CNBD1: variants seen among roughly 807,000 people sequenced by gnomAD.
The protein encoded by CNBD1 is cyclic nucleotide binding domain containing 1.
Under a neutral mutation model 54.4 loss-of-function variants are expected in CNBD1, and 71 were observed. The ratio of observed to expected loss-of-function variants is 1.30; its 90% CI spans 1.08 to 1.59. The LOEUF is 1.59. Among genes scored for constraint, CNBD1 ranks in the 40% most tolerant of loss-of-function variants. CNBD1 has a pLI of 0.00. For synonymous variants in CNBD1, 182 were observed against 170.7 expected (o/e 1.07, Z -0.51); for missense variants, 659 against 518.0 (o/e 1.27, Z -2.64).
At chr8:87,095,643 C>CAT (rs555327157) in intron 4 of CNBD1, among the ~76,000 whole-genome samples, 127 of 152,010 alleles carry the variant, frequency 8.4e-4, no homozygotes, top group Middle Eastern at 6.8e-3. Context: ...TCTGAATGAC[C>CAT]ATATATATAT....
chr8:87,205,994 C>A lies in CNBD1; in HGVS notation c.433C>A (p.Pro145Thr). Residue 145 changes from proline to threonine, a missense_variant and splice_region_variant, in exon 5 of 11, where the codon CCC (proline) becomes ACC (threonine). By Grantham distance (38) the Pro-to-Thr change is conservative (BLOSUM62 -1). Coordinates refer to ENST00000518476, the MANE Select transcript of CNBD1 (RefSeq NM_173538.3). ...TTTGTATTTTTTTTTTTTTTTGAGG[C>A]CCATTCACAGGACGCCATATGAACA... ...EEFLAILKKL[P>T]IHRTPYEHKT... 6.8e-7 allele frequency: 1 copy of A among 1,461,800 alleles called. No homozygotes were observed. Among genetic ancestry groups the A allele is most frequent in the Non-Finnish European group, 9.0e-7 (1 of 1,109,842 alleles). The allele number at this position is 1,461,800 out of a possible 1,614,324, so 90.6% of individuals were successfully genotyped here.
intron 10 of CNBD1, among the ~76,000 whole-genome samples, chr8:87,361,375 G>C (rs1209120650): frequency 6.6e-6 from 1 of 151,556 alleles, no homozygotes; most frequent in Admixed American, 6.6e-5. Context: ...ATCAGTAGAA[G>C]GAGATTAACA....
At chr8:86,991,610 G>C (rs1247589445) in intron 4 of CNBD1, among the ~76,000 whole-genome samples, 9 of 152,072 alleles carry the variant, frequency 5.9e-5, no homozygotes, top group Admixed American at 5.9e-4. Flanking sequence ...CATTAAGTTA[G>C]ATTGTTACTT....
At chr8:87,200,373 G>C (rs546012743) in intron 4 of CNBD1, among the ~76,000 whole-genome samples, 1 of 152,136 alleles carries the variant, frequency 6.6e-6, no homozygotes, top group African/African-American at 2.4e-5. Context: ...CTCATGCTGT[G>C]AAATGAATGC....
In CNBD1 at chr8:86,868,155, G is replaced by C. The variant is rs548080174; in HGVS notation, c.88+1572G>C. 4.6e-5 allele frequency among the ~76,000 whole-genome samples: 7 copies of C among 152,254 alleles called. No homozygotes were observed. In the South Asian group the frequency reaches 1.5e-3, roughly 32 times the overall value. ...AATGCTTTCAATTTATGAAATGACT[G>C]AACCTGAATTACAAAGGATATATAA... On this transcript the variant is annotated intron_variant, in intron 1 of 10. Coordinates refer to ENST00000518476, the MANE Select transcript of CNBD1 (RefSeq NM_173538.3).
At chr8:87,321,373 T>C (rs2130899788) in intron 8 of CNBD1, among the ~76,000 whole-genome samples, 1 of 152,332 alleles carries the variant, frequency 6.6e-6, no homozygotes, top group East Asian at 1.9e-4. Flanking sequence ...GCTTGTTTGT[T>C]TGATTGTGGC....
intron 4 of CNBD1, among the ~76,000 whole-genome samples, chr8:87,204,164 T>C (rs1387499336): frequency 6.6e-6 from 1 of 152,186 alleles, no homozygotes; most frequent in Non-Finnish European, 1.5e-5. Context: ...GAGCATAATA[T>C]TAGGTATTTC....
chr8:87,388,612 G>T (rs980090656), intron 2 of CNBD1, among the ~76,000 whole-genome samples: 6 of 152,088 alleles, frequency 3.9e-5, no homozygotes, highest in Non-Finnish European at 7.3e-5. Context: ...ACAATTAATA[G>T]CTTACCAACC....
chr8:87,423,636 A>G (rs531226843), intron 2 of CNBD1, among the ~76,000 whole-genome samples: 1,829 of 147,126 alleles, frequency 0.012, 38 homozygotes, highest in African/African-American at 0.046. Flanking sequence ...CCACTTGATC[A>G]TGGTGGATAA....
chr8:87,377,693 G>A (rs1810980290), intron 10 of CNBD1, among the ~76,000 whole-genome samples: 1 of 144,412 alleles, frequency 6.9e-6, no homozygotes, highest in South Asian at 2.3e-4. Flanking sequence ...GGGTCAAATG[G>A]TATTTCTAGT....
At chr8:87,304,037 G>A (rs1809082721) in intron 8 of CNBD1, among the ~76,000 whole-genome samples, 1 of 152,146 alleles carries the variant, frequency 6.6e-6, no homozygotes. Flanking sequence ...ACACATTGGT[G>A]GGACTGTAAA....
At chr8:87,305,357 C>T (rs1381093616) in intron 8 of CNBD1, among the ~76,000 whole-genome samples, 1 of 151,954 alleles carries the variant, frequency 6.6e-6, no homozygotes, top group Non-Finnish European at 1.5e-5. Context: ...AATCAATGCA[C>T]TTCCCATCAA....
intron 6 of CNBD1, among the ~76,000 whole-genome samples, chr8:87,251,930 T>C (rs999352080): frequency 4.6e-5 from 7 of 152,230 alleles, no homozygotes; most frequent in Admixed American, 1.3e-4. Context: ...TCTGAGATGA[T>C]GCTTATAGGT....
chr8:87,206,007 C>T lies in CNBD1; in HGVS notation c.446C>T (p.Thr149Met), dbSNP rs371075963. 75 of 1,526,824 alleles carry T rather than the reference C, an allele frequency of 4.9e-5. No homozygotes were observed. The African/African-American group carries it at 6.6e-4, about 13-fold the overall frequency. The allele number at this position is 1,526,824 out of a possible 1,614,324, so 94.6% of individuals were successfully genotyped here. A position where few individuals can be genotyped will look rare whatever the true frequency, so the allele number is the denominator to read the frequency against. Residue 149 changes from threonine to methionine, a missense_variant, in exon 5 of 11, where the codon ACG becomes ATG. Coordinates refer to ENST00000518476, the MANE Select transcript of CNBD1 (RefSeq NM_173538.3). ...AILKKLPIHR[T>M]PYEHKTVWKF... The stretch of plus-strand genomic sequence containing the variant: ...TTTTTTTTGAGGCCCATTCACAGGA[C>T]GCCATATGAACACAAAACTGTGTGG...
intron 4 of CNBD1, among the ~76,000 whole-genome samples, chr8:87,127,580 A>G (rs1345795126): frequency 6.6e-6 from 1 of 152,102 alleles, no homozygotes; most frequent in Non-Finnish European, 1.5e-5. Context: ...TTCTCCATGG[A>G]CAATTATGTT....
chr8:87,316,569 A>G (rs1809392711), intron 8 of CNBD1, among the ~76,000 whole-genome samples: 1 of 152,038 alleles, frequency 6.6e-6, no homozygotes, highest in Non-Finnish European at 1.5e-5. Flanking sequence ...CAATATAAAC[A>G]CACTTGTTTG....
chr8:87,254,405 GAT>G (rs1563525229), intron 6 of CNBD1, among the ~76,000 whole-genome samples: 3 of 152,030 alleles, frequency 2.0e-5, no homozygotes, highest in Non-Finnish European at 2.9e-5. Context: ...AATAATTTGT[GAT>G]ATAATTTTTG....
At chr8:87,357,799 T>C (rs1810450100) in intron 10 of CNBD1, among the ~76,000 whole-genome samples, 1 of 152,120 alleles carries the variant, frequency 6.6e-6, no homozygotes, top group African/African-American at 2.4e-5. Context: ...CAGAATGATA[T>C]AGTTTGGATG....
intron 6 of CNBD1, among the ~76,000 whole-genome samples, chr8:87,274,012 T>C (rs1402894906): frequency 6.7e-6 from 1 of 149,164 alleles, no homozygotes; most frequent in Non-Finnish European, 1.5e-5. Flanking sequence ...TGAGTGAGAA[T>C]ATGCGGTGTT....
Sources: allele counts gnomAD v4.1 joint callset (sites outside exome capture counted in the v4.1 genomes callset), GRCh38; gene constraint gnomAD v4.1.1; transcripts MANE v1.5; gene names NCBI Gene and HGNC (gene_info 2026-07-23, HGNC 2026-07-21).